The following WNK2 variants were observed in gnomAD, a reference collection of about 807,000 sequenced individuals.
WNK2 encodes serine/threonine-protein kinase WNK2.
WNK2 carries 67 observed loss-of-function variants against 192.1 expected under a neutral mutation model. That is an observed-to-expected ratio of 0.35 (90% CI 0.29 to 0.43). The LOEUF (loss-of-function observed/expected upper bound fraction) is 0.43. Ranked by LOEUF, WNK2 falls within the 20% of genes least tolerant of loss-of-function variation. The pLI is 1.00. For synonymous variants in WNK2, 1,439 were observed against 1,393.9 expected, an observed-to-expected ratio of 1.03 and a Z score of -0.72; for missense variants, 2,698 against 3,089.7, an observed-to-expected ratio of 0.87 and a Z score of 3.01.
chr9:93,187,053 C>T (rs769950233), intron 2 of WNK2, among the ~76,000 whole-genome samples: 4 of 152,124 alleles, frequency 2.6e-5, no homozygotes, highest in East Asian at 1.9e-4. Flanking sequence ...TTGATTCTGG[C>T]GAGCGGTCTT....
At position 93,229,878 on chromosome 9, in the gene WNK2, G is replaced by T. The variant is rs372827923; in HGVS notation, c.854+10G>T. ...CAGGGACGCTGAAGACGTAAGCTCCGCTTCCTGAGGGCTGGGGCGGGTCCT... is the reference window on the plus strand; with the variant it reads ...CAGGGACGCTGAAGACGTAAGCTCCTCTTCCTGAGGGCTGGGGCGGGTCCT... On this transcript the variant is annotated intron_variant, in intron 3 of 29. Coordinates refer to ENST00000427277, the MANE Select transcript of WNK2 (RefSeq NM_006648.4). The surrounding 1 kb of genome is among the most constrained non-coding windows in gnomAD (Gnocchi z 4.9). The T allele has an allele frequency of 6.2e-7, 1 of 1,611,362 alleles. No homozygotes were observed. Among genetic ancestry groups the T allele is most frequent in the South Asian group, 1.1e-5 (1 of 90,866 alleles).
chr9:93,189,842 C>T (rs1420623148), intron 2 of WNK2, among the ~76,000 whole-genome samples: 2 of 152,328 alleles, frequency 1.3e-5, no homozygotes, highest in South Asian at 2.1e-4. Flanking sequence ...GATGGCCTCT[C>T]GTTAGAGGCC....
intron 2 of WNK2, among the ~76,000 whole-genome samples, chr9:93,198,483 G>T (rs922712245): frequency 3.9e-5 from 6 of 152,182 alleles, no homozygotes; most frequent in South Asian, 2.1e-4. Context: ...GGGCTATGTT[G>T]TTCCTCCTAC....
At chr9:93,272,326 C>T (rs113606748) in intron 19 of WNK2, among the ~76,000 whole-genome samples, 91 of 152,296 alleles carry the variant, frequency 6.0e-4, no homozygotes, top group African/African-American at 1.9e-3. Flanking sequence ...AGGTAAACTA[C>T]TAATTCCATG....
Position 93,292,368 on chromosome 9 carries a change from A to G in WNK2, c.4997A>G (p.Asp1666Gly). The G allele has an allele frequency of 6.2e-7, 1 of 1,613,672 alleles. No homozygotes were observed. The highest frequency in any genetic ancestry group is 1.3e-5 in the African/African-American group (1 of 74,918). ...YDRDGRQVASDSHVVPSVPQD... is the reference protein window; with the variant it reads ...YDRDGRQVASGSHVVPSVPQD... ...AGAGATGGAAGGCAGGTGGCCTCAGACTCCCATGTGGTCCCCAGCGTCCCC... is the reference window on the plus strand; with the variant it reads ...AGAGATGGAAGGCAGGTGGCCTCAGGCTCCCATGTGGTCCCCAGCGTCCCC... The change falls in exon 22 of 30, where the codon GAC (aspartate) becomes GGC (glycine). Residue 1666 changes from aspartate (D) to glycine (G), a missense_variant. By Grantham distance (94) the Asp-to-Gly change is moderately conservative. Around this residue, in one of 7 missense-constraint regions of WNK2, gnomAD observed 1,098 missense variants for 1,101.0 expected, o/e 1.00. Transcript: ENST00000427277.
At chr9:93,197,266 C>G (rs574307693) in intron 2 of WNK2, among the ~76,000 whole-genome samples, 1 of 152,196 alleles carries the variant, frequency 6.6e-6, no homozygotes, top group Admixed American at 6.5e-5. Flanking sequence ...GCTCCCACAT[C>G]ACCTCCACCC....
At chr9:93,236,028 G>C (rs890418092) in intron 5 of WNK2, among the ~76,000 whole-genome samples, 1 of 152,218 alleles carries the variant, frequency 6.6e-6, no homozygotes, top group Admixed American at 6.5e-5. Flanking sequence ...TCACCTGTGG[G>C]CCTGGGTCAG....
chr9:93,310,407 T>A (rs1158364149), intron 28 of WNK2, among the ~76,000 whole-genome samples: 1 of 150,656 alleles, frequency 6.6e-6, no homozygotes, highest in East Asian at 2.0e-4. Flanking sequence ...CTTTTAAGTG[T>A]TAAGGGTTTT....
intron 2 of WNK2, among the ~76,000 whole-genome samples, chr9:93,210,712 C>G (rs942717937): frequency 7.2e-5 from 11 of 152,182 alleles, no homozygotes; most frequent in African/African-American, 2.7e-4. Context: ...GAAAGATGGG[C>G]AGGCCTGCTG....
At chr9:93,220,414 G>C (rs1174067876) in intron 2 of WNK2, among the ~76,000 whole-genome samples, 2 of 152,182 alleles carry the variant, frequency 1.3e-5, no homozygotes, top group African/African-American at 4.8e-5. Flanking sequence ...CTGCGGTTCT[G>C]GGCAACTCTA....
At chr9:93,281,869 A>G (rs1294987785) in intron 19 of WNK2, among the ~76,000 whole-genome samples, 3 of 152,232 alleles carry the variant, frequency 2.0e-5, no homozygotes, top group African/African-American at 7.2e-5. Context: ...GCTGAAGGAA[A>G]TAAGCCCCAA....
intron 11 of WNK2, among the ~76,000 whole-genome samples, chr9:93,258,374 C>T (rs1843656805): frequency 6.6e-6 from 1 of 152,194 alleles, no homozygotes; most frequent in East Asian, 1.9e-4. Context: ...CAAGGTGGCT[C>T]AAAGATTTGC....
At chr9:93,210,252 C>T (rs1193444719) in intron 2 of WNK2, among the ~76,000 whole-genome samples, 4 of 93,072 alleles carry the variant, frequency 4.3e-5, no homozygotes, top group Admixed American at 1.4e-4. Flanking sequence ...AGTGGGGTGT[C>T]GAGGGAGGTG....
chr9:93,313,678 C>T (rs1357375179), intron 28 of WNK2, among the ~76,000 whole-genome samples: 4 of 152,034 alleles, frequency 2.6e-5, no homozygotes, highest in South Asian at 2.1e-4. Context: ...TCTTATCAGC[C>T]GTCTTTTAAA....
At chr9:93,281,201 A>T (rs913116167) in intron 19 of WNK2, among the ~76,000 whole-genome samples, 4 of 152,224 alleles carry the variant, frequency 2.6e-5, no homozygotes, top group African/African-American at 9.6e-5. Flanking sequence ...TGTGCAACTT[A>T]TTGTAGCAGT....
At chr9:93,287,990 G>A (rs1336631571) in intron 19 of WNK2, among the ~76,000 whole-genome samples, 1 of 152,154 alleles carries the variant, frequency 6.6e-6, no homozygotes, top group Non-Finnish European at 1.5e-5. Flanking sequence ...AGGTTGCAGT[G>A]AGGCGAGATT....
At chr9:93,234,782 G>A in intron 4 of WNK2, 26 bp from the exon 5 acceptor site, 1 of 1,604,728 alleles carries the variant, frequency 6.2e-7, no homozygotes, top group Non-Finnish European at 8.5e-7. Flanking sequence ...CCAGCTGACA[G>A]CTGCGTCTGT....
intron 19 of WNK2, among the ~76,000 whole-genome samples, chr9:93,272,381 A>T (rs1449440054): frequency 6.6e-6 from 1 of 152,234 alleles, no homozygotes; most frequent in Non-Finnish European, 1.5e-5. Flanking sequence ...TCCTAGAGCA[A>T]CCACTGAAAG....
In WNK2 at chr9:93,230,863, G is replaced by GT; in HGVS notation, c.855-25_855-24insT. 7 of 1,604,824 alleles carry GT rather than the reference G, an allele frequency of 4.4e-6. No homozygotes were observed. The Admixed American group carries it at 5.1e-5, about 12-fold the overall frequency. On this transcript the variant is annotated intron_variant, in intron 3 of 29. Transcript: ENST00000427277. ...GGCCGCTGCCGGCGAGCTGCTTGGT[G>GT]AGCTGTGCCCGTGAACCCCTGCAGA...
Sources: allele counts gnomAD v4.1 joint callset (sites outside exome capture counted in the v4.1 genomes callset), GRCh38; gene constraint gnomAD v4.1.1; regional missense constraint gnomAD v4.1.1; non-coding constraint Gnocchi (gnomAD v3.1); transcripts MANE v1.5; gene names NCBI Gene and HGNC (gene_info 2026-07-23, HGNC 2026-07-21).